The following FHOD3 variants were observed in gnomAD, a reference collection of about 807,000 sequenced individuals.
FHOD3 encodes the protein FH1/FH2 domain-containing protein 3.
In FHOD3, 90 loss-of-function variants were observed where a neutral mutation model predicts 173.0. The observed-to-expected ratio is 0.52, with a 90% CI of 0.44 to 0.62. The LOEUF is 0.62. Ranked by LOEUF, FHOD3 falls within the 20% of genes least tolerant of loss-of-function variation. The probability of loss-of-function intolerance (pLI) is 0.00; values close to 1 mark genes in which losing one functional copy is unlikely to be tolerated. For missense variants in FHOD3, 1,945 were observed against 2,034.7 expected (o/e 0.96, Z 0.85); for synonymous variants, 828 against 823.0 (o/e 1.01, Z -0.10).
chr18:36,583,255 C>A (rs74413272), intron 6 of FHOD3, among the ~76,000 whole-genome samples: 6,685 of 152,152 alleles, frequency 0.044, 369 homozygotes, highest in East Asian at 0.15. Context: ...CCTGGAATCA[C>A]GATATGCTGC....
At chr18:36,695,313 A>C (rs1312793348) in intron 17 of FHOD3, among the ~76,000 whole-genome samples, 1 of 151,398 alleles carries the variant, frequency 6.6e-6, no homozygotes. Context: ...GTGCCATTGC[A>C]CTCCAGCCTG....
intron 3 of FHOD3, among the ~76,000 whole-genome samples, chr18:36,490,648 A>G (rs2054420162): frequency 6.6e-6 from 1 of 152,210 alleles, no homozygotes; most frequent in African/African-American, 2.4e-5. Context: ...TCTGGGTTTC[A>G]GCTCCTGCAA....
At chr18:36,340,698 A>G (rs2848590) in intron 1 of FHOD3, among the ~76,000 whole-genome samples, 112,582 of 150,620 alleles carry the variant, frequency 0.75, 42,139 homozygotes, top group Middle Eastern at 0.83. Context: ...GTGCAGTGTC[A>G]CGATCTCGGC....
intron 5 of FHOD3, among the ~76,000 whole-genome samples, chr18:36,547,013 C>A (rs771833645): frequency 3.3e-5 from 5 of 152,286 alleles, no homozygotes; most frequent in East Asian, 1.9e-4. Context: ...TGCCTCACAG[C>A]GCTGACCCCG....
intron 19 of FHOD3, among the ~76,000 whole-genome samples, chr18:36,721,324 A>G (rs914193596): frequency 1.3e-5 from 2 of 152,242 alleles, no homozygotes; most frequent in African/African-American, 4.8e-5. Flanking sequence ...AAAGGTAAGA[A>G]TGCAAGTTAG....
intron 5 of FHOD3, among the ~76,000 whole-genome samples, chr18:36,515,795 G>A (rs1343554239): frequency 6.6e-6 from 1 of 152,066 alleles, no homozygotes; most frequent in East Asian, 1.9e-4. Context: ...CCCTTTACTG[G>A]CGACCAGAAG....
chr18:36,500,348 C>T (rs1385532928), intron 3 of FHOD3, among the ~76,000 whole-genome samples: 1 of 152,144 alleles, frequency 6.6e-6, no homozygotes, highest in Non-Finnish European at 1.5e-5. Flanking sequence ...CTATCCATTT[C>T]CTGGGCCACT....
intron 3 of FHOD3, among the ~76,000 whole-genome samples, chr18:36,434,822 A>G (rs761817045): frequency 2.6e-5 from 4 of 151,994 alleles, no homozygotes; most frequent in Non-Finnish European, 5.9e-5. Flanking sequence ...GCTATTATAA[A>G]TTTAAATTTC....
In FHOD3 at chr18:36,519,954, C is replaced by CTTTTT. The variant is rs2056190278; in HGVS notation, c.511+7411_511+7412insTTTTT. Among the ~76,000 whole-genome samples, 6 of 50,260 alleles carry CTTTTT rather than the reference C, an allele frequency of 1.2e-4. No individual in the cohort carries two copies. In the Admixed American group the frequency reaches 1.4e-3, roughly 12 times the overall value. 33.0% of individuals were successfully genotyped at this position (50,260 alleles called of 152,430 possible). On this transcript the variant is annotated intron_variant, in intron 5 of 28. Coordinates refer to ENST00000590592, the MANE Select transcript of FHOD3 (RefSeq NM_001281740.3). ...TTTATGAAGAGTAAGGCTTTTCTTT[C>CTTTTT]ATTTTTTTTTTTTTTTTTTAAAGAG...
At chr18:36,303,452 T>C (rs746353283) in intron 1 of FHOD3, among the ~76,000 whole-genome samples, 7 of 152,180 alleles carry the variant, frequency 4.6e-5, no homozygotes, top group African/African-American at 7.2e-5. Context: ...CTCCCAGGGT[T>C]GATGCTCTGT....
chr18:36,300,690 C>T (rs936981578), intron 1 of FHOD3, among the ~76,000 whole-genome samples: 1 of 152,072 alleles, frequency 6.6e-6, no homozygotes, highest in Non-Finnish European at 1.5e-5. Context: ...ACTCAGAGTG[C>T]TCTCAGCTCT....
intron 3 of FHOD3, among the ~76,000 whole-genome samples, chr18:36,465,680 C>G (rs1156386019): frequency 1.3e-5 from 2 of 152,028 alleles, no homozygotes; most frequent in East Asian, 3.9e-4. Flanking sequence ...AACCAAGGAT[C>G]CTAAGTAGGT....
intron 10 of FHOD3, among the ~76,000 whole-genome samples, chr18:36,633,022 T>C (rs76889537): frequency 0.026 from 3,899 of 152,286 alleles, 176 homozygotes; most frequent in African/African-American, 0.09. Context: ...GTTTGTGTCT[T>C]TTCTACCCTG....
chr18:36,339,449 A>C (rs1417426964), intron 1 of FHOD3, among the ~76,000 whole-genome samples: 1 of 152,224 alleles, frequency 6.6e-6, no homozygotes, highest in Non-Finnish European at 1.5e-5. Flanking sequence ...GGGGCTCTGC[A>C]CTTGGAATTT....
At chr18:36,480,877 A>T (rs1042294796) in intron 3 of FHOD3, among the ~76,000 whole-genome samples, 1 of 152,164 alleles carries the variant, frequency 6.6e-6, no homozygotes, top group African/African-American at 2.4e-5. Context: ...CCAAATGGGG[A>T]TTCCAGCAGT....
intron 14 of FHOD3, among the ~76,000 whole-genome samples, chr18:36,674,486 C>G (rs2037725904): frequency 6.6e-6 from 1 of 152,146 alleles, no homozygotes; most frequent in South Asian, 2.1e-4. Flanking sequence ...CTTGAGCAGT[C>G]TTCTTGTTTC....
At chr18:36,507,708 C>T (rs894212433) in intron 4 of FHOD3, among the ~76,000 whole-genome samples, 1 of 152,154 alleles carries the variant, frequency 6.6e-6, no homozygotes, top group Admixed American at 6.5e-5. Context: ...TTAATTTTCC[C>T]AAAGCTCCAC....
intron 14 of FHOD3, among the ~76,000 whole-genome samples, chr18:36,677,055 A>T (rs1156530137): frequency 1.3e-5 from 2 of 152,098 alleles, no homozygotes; most frequent in South Asian, 2.1e-4. Context: ...GTCTAAAAAA[A>T]CTTCCATATC....
chr18:36,623,407 GA>G (rs1429474372), intron 9 of FHOD3, among the ~76,000 whole-genome samples: 1 of 152,090 alleles, frequency 6.6e-6, no homozygotes, highest in Admixed American at 6.5e-5. Flanking sequence ...TTATAGAAAT[GA>G]AAAAAACATT....
Sources: gnomAD v4.1 joint callset for allele counts (sites outside exome capture counted in the v4.1 genomes callset) on GRCh38, gnomAD v4.1.1 for gene constraint, MANE v1.5 for transcripts, NCBI Gene and HGNC (gene_info 2026-07-23, HGNC 2026-07-21) for gene names.